The following RANBP2 variants were observed in gnomAD, a reference collection of about 807,000 sequenced individuals.
The protein encoded by RANBP2 is E3 SUMO-protein ligase RanBP2.
In RANBP2, 57 loss-of-function variants were observed where a neutral mutation model predicts 303.6. The ratio of observed to expected loss-of-function variants is 0.19; its 90% CI spans 0.15 to 0.23. The LOEUF (loss-of-function observed/expected upper bound fraction) is 0.23, where lower values mean the gene tolerates loss of function less well. Ranked by LOEUF, RANBP2 falls within the 10% of genes least tolerant of loss-of-function variation. RANBP2 has a pLI of 1.00. For missense variants in RANBP2, 3,138 were observed against 3,780.8 expected (o/e 0.83, Z 4.46); for synonymous variants, 1,167 against 1,301.5 (o/e 0.90, Z 2.23).
chr2:109,113,345 T>C, the RANBP2 span, among the ~76,000 whole-genome samples: 4 of 151,848 alleles, frequency 2.6e-5, no homozygotes, highest in Admixed American at 2.6e-4. Flanking sequence ...GAAGAGGTCC[T>C]TCACGTCCCT....
At chr2:109,396,841 C>T in the RANBP2 span, among the ~76,000 whole-genome samples, 2 of 152,252 alleles carry the variant, frequency 1.3e-5, no homozygotes, top group Admixed American at 1.3e-4. Context: ...AGGTAGCCTG[C>T]ACTTCCATAG....
the RANBP2 span, among the ~76,000 whole-genome samples, chr2:109,637,197 C>T: frequency 6.6e-6 from 1 of 152,224 alleles, no homozygotes; most frequent in Non-Finnish European, 1.5e-5. Context: ...ACCCAAACAT[C>T]TCAGTGGAGT....
the RANBP2 span, among the ~76,000 whole-genome samples, chr2:108,992,784 C>A: frequency 6.6e-6 from 1 of 152,176 alleles, no homozygotes. Context: ...ATTTGTCCCA[C>A]AACTGGGACT....
chr2:109,717,272 C>CAAA, the RANBP2 span, among the ~76,000 whole-genome samples: 15 of 124,752 alleles, frequency 1.2e-4, no homozygotes, highest in South Asian at 2.7e-4. Context: ...AAAAACAAAC[C>CAAA]AAAAAAAAAA....
chr2:109,545,908 C>G, the RANBP2 span: 2 of 1,445,096 alleles, frequency 1.4e-6, no homozygotes, highest in Non-Finnish European at 9.2e-7. Flanking sequence ...GGGACAAGGT[C>G]TCTCCTCTCC....
the RANBP2 span, among the ~76,000 whole-genome samples, chr2:109,099,629 A>T: frequency 1.3e-5 from 2 of 148,574 alleles, no homozygotes; most frequent in South Asian, 4.2e-4. Flanking sequence ...TTGGGATTTT[A>T]TTTTTATTTC....
chr2:109,094,100 G>T, the RANBP2 span, among the ~76,000 whole-genome samples: 1 of 152,112 alleles, frequency 6.6e-6, no homozygotes, highest in African/African-American at 2.4e-5. Context: ...TGGCAGTTAT[G>T]GGGGGATACT....
the RANBP2 span, among the ~76,000 whole-genome samples, chr2:109,092,606 C>T: frequency 6.6e-6 from 1 of 152,070 alleles, no homozygotes; most frequent in African/African-American, 2.4e-5. Flanking sequence ...GCACAGGGAG[C>T]AGGGTCATCA....
At chr2:109,404,551 G>A in the RANBP2 span, among the ~76,000 whole-genome samples, 5 of 152,122 alleles carry the variant, frequency 3.3e-5, no homozygotes, top group Non-Finnish European at 5.9e-5. Flanking sequence ...AGTCAAGGTC[G>A]CCAAGGAGCT....
At chr2:109,653,126 G>A in the RANBP2 span, among the ~76,000 whole-genome samples, 1 of 152,266 alleles carries the variant, frequency 6.6e-6, no homozygotes, top group African/African-American at 2.4e-5. Flanking sequence ...GCTGGGCGTT[G>A]TGGCTCATGC....
intron 1 of RANBP2, among the ~76,000 whole-genome samples, chr2:108,722,186 A>G (rs1045705391): frequency 2.6e-5 from 4 of 152,166 alleles, no homozygotes; most frequent in Admixed American, 6.5e-5. Flanking sequence ...TAACTTCTCC[A>G]TTAAATAAAG....
chr2:108,977,090 C>A, the RANBP2 span, among the ~76,000 whole-genome samples: 1 of 152,120 alleles, frequency 6.6e-6, no homozygotes, highest in African/African-American at 2.4e-5. Context: ...GTGATCAGGA[C>A]GCCAATAAGG....
At chr2:109,214,640 G>A in the RANBP2 span, among the ~76,000 whole-genome samples, 1 of 152,068 alleles carries the variant, frequency 6.6e-6, no homozygotes, top group South Asian at 2.1e-4. Flanking sequence ...CTGGAAGAAC[G>A]TCTCTGCCTG....
the RANBP2 span, among the ~76,000 whole-genome samples, chr2:109,154,989 C>T: frequency 1.3e-5 from 2 of 152,144 alleles, no homozygotes; most frequent in Non-Finnish European, 2.9e-5. Flanking sequence ...TGATAGCCAG[C>T]CTTCATAGGA....
the RANBP2 span, among the ~76,000 whole-genome samples, chr2:109,534,389 T>C: frequency 6.6e-6 from 1 of 152,210 alleles, no homozygotes; most frequent in East Asian, 1.9e-4. Context: ...TCACAGGCAT[T>C]AGAGCAATCT....
chr2:109,434,830 C>T, the RANBP2 span, among the ~76,000 whole-genome samples: 7 of 152,342 alleles, frequency 4.6e-5, no homozygotes, highest in African/African-American at 7.2e-5. Context: ...TGTTCATATA[C>T]GAGGTGCTCA....
chr2:109,422,414 G>A, the RANBP2 span, among the ~76,000 whole-genome samples: 88 of 152,180 alleles, frequency 5.8e-4, no homozygotes, highest in African/African-American at 2.0e-3. Context: ...AATCCTGTAC[G>A]GTCAGTGTGT....
the RANBP2 span, among the ~76,000 whole-genome samples, chr2:108,999,393 G>A: frequency 6.6e-6 from 1 of 152,176 alleles, no homozygotes; most frequent in Non-Finnish European, 1.5e-5. Flanking sequence ...GAAGTGACTT[G>A]TGGATTCAGC....
chr2:109,563,508 C>T, the RANBP2 span, among the ~76,000 whole-genome samples: 1 of 152,186 alleles, frequency 6.6e-6, no homozygotes, highest in Admixed American at 6.5e-5. Flanking sequence ...TTCCTGCATG[C>T]AAACACTGTT....
Sources: gnomAD v4.1 joint callset for allele counts (sites outside exome capture counted in the v4.1 genomes callset) on GRCh38, gnomAD v4.1.1 for gene constraint, MANE v1.5 for transcripts, NCBI Gene and HGNC (gene_info 2026-07-23, HGNC 2026-07-21) for gene names.